Variants in XKRX observed in about 807,000 individuals in gnomAD.
The protein encoded by XKRX is XK-related protein 2.
In XKRX, 11 loss-of-function variants were observed where a neutral mutation model predicts 22.4. The observed-to-expected ratio is 0.49, with a 90% CI of 0.31 to 0.81. XKRX has a LOEUF of 0.81. Among genes scored for constraint, XKRX ranks in the 40% least tolerant of loss-of-function variants. XKRX has a pLI of 0.05. For missense variants in XKRX, 320 were observed against 336.5 expected, an observed-to-expected ratio of 0.95 and a Z score of 0.38; for synonymous variants, 114 against 132.2, an observed-to-expected ratio of 0.86 and a Z score of 0.94.
chrX:100,950,997 C>G, the XKRX span, among the ~76,000 whole-genome samples: 1 of 110,237 alleles, frequency 9.1e-6, no homozygotes, highest in Non-Finnish European at 1.9e-5. Context: ...CTTTGGGAGG[C>G]CAAGGCAGGC....
At chrX:100,899,454 A>G in the XKRX span, among the ~76,000 whole-genome samples, 5 of 112,553 alleles carry the variant, frequency 4.4e-5, no homozygotes, top group Non-Finnish European at 9.4e-5. Context: ...GGCAAAGGAT[A>G]CAGTGAGCCG....
At chrX:100,915,120 C>G in intron 2 of XKRX, 37 bp from the exon 3 acceptor site, 1 of 1,181,620 alleles carries the variant, frequency 8.5e-7, no homozygotes, top group South Asian at 1.9e-5. Context: ...AACAGGCAAT[C>G]AGTCAATGTT....
At chrX:100,945,663 A>G in the XKRX span, among the ~76,000 whole-genome samples, 1 of 110,098 alleles carries the variant, frequency 9.1e-6, no homozygotes, top group Non-Finnish European at 1.9e-5. Flanking sequence ...AATCTCTCTG[A>G]GCCTTAGTTT....
At chrX:100,937,994 C>A in the XKRX span, among the ~76,000 whole-genome samples, 2 of 111,757 alleles carry the variant, frequency 1.8e-5, no homozygotes, top group East Asian at 5.6e-4. Context: ...TGGGCCATTA[C>A]CAGATCACCT....
chrX:100,921,628 T>C (rs1032316028), intron 2 of XKRX, among the ~76,000 whole-genome samples: 1 of 110,801 alleles, frequency 9.0e-6, no homozygotes, highest in African/African-American at 3.3e-5. Context: ...GCTGTTAAAA[T>C]TCATTAACAA....
the XKRX span, among the ~76,000 whole-genome samples, chrX:100,944,399 G>A: frequency 1.8e-5 from 2 of 111,901 alleles, no homozygotes; most frequent in African/African-American, 6.5e-5. Flanking sequence ...TTTCACTCTT[G>A]TCACCCAGGC....
At chrX:100,904,184 T>C in the XKRX span, among the ~76,000 whole-genome samples, 1 of 111,622 alleles carries the variant, frequency 9.0e-6, no homozygotes, top group Non-Finnish European at 1.9e-5. Context: ...CTCACATAAA[T>C]AGTCAACTGA....
chrX:100,932,143 C>T (rs1362475205), upstream of XKRX, among the ~76,000 whole-genome samples: 8 of 111,375 alleles, frequency 7.2e-5, no homozygotes, highest in East Asian at 8.5e-4. Context: ...GATTCTCTGG[C>T]GCTTTAGGTC....
the XKRX span, among the ~76,000 whole-genome samples, chrX:100,895,740 G>C: frequency 7.1e-5 from 8 of 112,152 alleles, no homozygotes; most frequent in Admixed American, 2.8e-4. Flanking sequence ...ATGAACATCT[G>C]ATGTTCCATT....
the XKRX span, among the ~76,000 whole-genome samples, chrX:100,947,396 T>C: frequency 8.9e-6 from 1 of 112,661 alleles, no homozygotes; most frequent in Non-Finnish European, 1.9e-5. Flanking sequence ...GCTATTTAAC[T>C]GCTTTGTGTA....
chrX:100,900,951 G>A, the XKRX span, among the ~76,000 whole-genome samples: 2 of 109,425 alleles, frequency 1.8e-5, no homozygotes, highest in Non-Finnish European at 3.8e-5. Context: ...CACCACGCCT[G>A]GCTAATTTTT....
the XKRX span, among the ~76,000 whole-genome samples, chrX:100,939,177 G>T: frequency 9.0e-6 from 1 of 111,459 alleles, no homozygotes; most frequent in South Asian, 3.8e-4. Context: ...TCTCTGAAAG[G>T]ATACACAAGA....
rs2085509347 is a variant in XKRX at position 100,928,715 on chromosome X, G to T, written c.-411C>A. On this transcript the variant is annotated 5_prime_UTR_variant, in exon 1 of 3. Transcript: ENST00000372956. ...GGCAGGGTGTAGCCGATCTGTCGGG[G>T]GCACCGACACTCAGCAGCTCCTCAC... The T allele has an allele frequency of 7.7e-6, 6 of 774,577 alleles. No individual in the cohort carries two copies. The highest frequency in any genetic ancestry group is 7.6e-6 in the Non-Finnish European group (5 of 653,890). The allele number at this position is 774,577 out of a possible 1,213,427, so 63.8% of individuals were successfully genotyped here.
chrX:100,956,606 A>G, the XKRX span: 1 of 509,393 alleles, frequency 2.0e-6, no homozygotes, highest in South Asian at 2.4e-5. Context: ...AAAGGCATGC[A>G]GTATGAACTC....
At chrX:100,924,605 G>A (rs1230973409) in intron 1 of XKRX, among the ~76,000 whole-genome samples, 1 of 111,798 alleles carries the variant, frequency 8.9e-6, no homozygotes. Context: ...AATAAAAACT[G>A]TGGACTACTT....
Position 100,914,916 on chromosome X carries a change from G to C in XKRX, c.772C>G (p.Leu258Val). 6.6e-6 allele frequency: 8 copies of C among 1,211,784 alleles called. No homozygotes were observed. Among genetic ancestry groups the C allele is most frequent in the Non-Finnish European group, 8.9e-6 (8 of 895,558 alleles). ...TLEITSRLLI[L>V]VLFSATLKLK... The stretch of plus-strand genomic sequence containing the variant: ...TTCAAAGTGGCTGAGAAGAGCACCA[G>C]AATCAGGAGGCGGGAAGTGATCTCC... Residue 258 changes from leucine (L) to valine (V), a missense_variant, in exon 3 of 3, where the codon CTG becomes GTG. By Grantham distance (32) the Leu-to-Val change is conservative. Coordinates refer to ENST00000372956, the MANE Select transcript of XKRX (RefSeq NM_212559.3).
At chrX:100,948,136 A>G in the XKRX span, among the ~76,000 whole-genome samples, 1 of 109,467 alleles carries the variant, frequency 9.1e-6, no homozygotes, top group Admixed American at 9.9e-5. Flanking sequence ...CAACTCCTGA[A>G]CTCAAGTGAT....
chrX:100,914,248 G>A lies in XKRX; in HGVS notation c.*90C>T. ...AAAAGTCAAGAAAATGTACTGATGGGTATCTCACCCATGAACCTCATCCTT... is the reference window on the plus strand; with the variant it reads ...AAAAGTCAAGAAAATGTACTGATGGATATCTCACCCATGAACCTCATCCTT... On this transcript the variant is annotated 3_prime_UTR_variant, in exon 3 of 3. Transcript: ENST00000372956. The A allele has an allele frequency of 9.8e-7, 1 of 1,018,979 alleles. No homozygotes were observed. Among genetic ancestry groups the A allele is most frequent in the Non-Finnish European group, 1.3e-6 (1 of 749,437 alleles). 84.0% of individuals were successfully genotyped at this position (1,018,979 alleles called of 1,213,427 possible). A position where few individuals can be genotyped will look rare whatever the true frequency, so the allele number is the denominator to read the frequency against.
chrX:100,889,588 A>G, the XKRX span, among the ~76,000 whole-genome samples: 27 of 110,699 alleles, frequency 2.4e-4, no homozygotes, highest in African/African-American at 8.9e-4. Flanking sequence ...AGAACACCAT[A>G]TAAAGATGAA....
Sources: allele counts gnomAD v4.1 joint callset (sites outside exome capture counted in the v4.1 genomes callset), GRCh38; gene constraint gnomAD v4.1.1; transcripts MANE v1.5; gene names NCBI Gene and HGNC (gene_info 2026-07-23, HGNC 2026-07-21).